Variants in FNDC3B observed in about 807,000 individuals in gnomAD.
FNDC3B encodes fibronectin type III domain-containing protein 3B.
In FNDC3B, 12 loss-of-function variants were observed where a neutral mutation model predicts 151.5. That is an observed-to-expected ratio of 0.08 (90% CI 0.05 to 0.13). The LOEUF (loss-of-function observed/expected upper bound fraction) is 0.13, where lower values mean the gene tolerates loss of function less well. Among genes scored for constraint, FNDC3B ranks in the 10% least tolerant of loss-of-function variants. The pLI is 1.00. For synonymous variants in FNDC3B, 528 were observed against 549.0 expected (o/e 0.96, Z 0.54); for missense variants, 1,214 against 1,505.3 (o/e 0.81, Z 3.20).
intron 21 of FNDC3B, among the ~76,000 whole-genome samples, chr3:172,349,804 T>C (rs1733774615): frequency 6.6e-6 from 1 of 152,062 alleles, no homozygotes; most frequent in Non-Finnish European, 1.5e-5. Flanking sequence ...TACAGGCGCC[T>C]GCCACCACGC....
At chr3:172,234,908 C>T (rs1477197225) in intron 4 of FNDC3B, among the ~76,000 whole-genome samples, 1 of 152,088 alleles carries the variant, frequency 6.6e-6, no homozygotes, top group African/African-American at 2.4e-5. Flanking sequence ...CTTTGAAACC[C>T]ATTAGGTTCA....
At chr3:172,141,225 C>G (rs1331539983) in intron 3 of FNDC3B, among the ~76,000 whole-genome samples, 1 of 152,112 alleles carries the variant, frequency 6.6e-6, no homozygotes, top group Non-Finnish European at 1.5e-5. Flanking sequence ...ATTCTAGTCT[C>G]CCTTTCATTG....
chr3:172,097,750 T>A (rs1177842996), intron 1 of FNDC3B, among the ~76,000 whole-genome samples: 1 of 152,246 alleles, frequency 6.6e-6, no homozygotes, highest in Non-Finnish European at 1.5e-5. Flanking sequence ...TTCCTCATAG[T>A]CTGGTTTACT....
intron 1 of FNDC3B, among the ~76,000 whole-genome samples, chr3:172,087,215 G>A (rs547529118): frequency 1.3e-5 from 2 of 152,210 alleles, no homozygotes; most frequent in South Asian, 2.1e-4. Context: ...TAGTTAAGGC[G>A]CATAACTTAC....
At chr3:172,235,800 T>C (rs576703036) in intron 4 of FNDC3B, among the ~76,000 whole-genome samples, 1 of 152,366 alleles carries the variant, frequency 6.6e-6, no homozygotes, top group Non-Finnish European at 1.5e-5. Context: ...TATTTTATGT[T>C]GATGAATATG....
intron 3 of FNDC3B, among the ~76,000 whole-genome samples, chr3:172,177,533 A>G (rs1009217194): frequency 2.0e-5 from 3 of 151,320 alleles, no homozygotes; most frequent in Non-Finnish European, 4.4e-5. Context: ...GGAAAGATTC[A>G]TGTCTTGAAA....
At position 172,158,162 on chromosome 3, in the gene FNDC3B, A is replaced by G. The variant is rs148303357; in HGVS notation, c.187+24616A>G. Among the ~76,000 whole-genome samples the G allele has an allele frequency of 3.0e-3, 453 of 152,310 alleles. 2 individuals carry two copies. Among genetic ancestry groups the G allele is most frequent in the African/African-American group, 9.9e-3 (413 of 41,572 alleles). ...CTATCATCTCTAAATTACCTTGTCT[A>G]TGGTAGTCTTGTTACAGCAGCCTGA... On this transcript the variant is annotated intron_variant, in intron 3 of 25. Coordinates refer to ENST00000415807, the MANE Select transcript of FNDC3B (RefSeq NM_022763.4).
chr3:172,265,855 A>G (rs924250896), intron 6 of FNDC3B, among the ~76,000 whole-genome samples: 1 of 152,192 alleles, frequency 6.6e-6, no homozygotes, highest in Non-Finnish European at 1.5e-5. Context: ...TAGAAAGCAT[A>G]TTGTCTGTTT....
At chr3:172,272,287 T>C (rs1309264766) in intron 6 of FNDC3B, among the ~76,000 whole-genome samples, 1 of 152,128 alleles carries the variant, frequency 6.6e-6, no homozygotes, top group African/African-American at 2.4e-5. Flanking sequence ...TTAATAAAAT[T>C]TGGGTATTGT....
At chr3:172,185,939 C>T (rs1399174963) in intron 3 of FNDC3B, among the ~76,000 whole-genome samples, 1 of 152,144 alleles carries the variant, frequency 6.6e-6, no homozygotes, top group Non-Finnish European at 1.5e-5. Context: ...GGGGACCACA[C>T]TTTCTATTTT....
intron 11 of FNDC3B, among the ~76,000 whole-genome samples, chr3:172,319,008 G>C (rs1460409791): frequency 2.0e-5 from 3 of 152,204 alleles, no homozygotes; most frequent in African/African-American, 4.8e-5. Flanking sequence ...CAGTCTCAGA[G>C]ATCCACACAC....
chr3:172,152,658 C>G (rs1722292364), intron 3 of FNDC3B, among the ~76,000 whole-genome samples: 1 of 151,044 alleles, frequency 6.6e-6, no homozygotes, highest in South Asian at 2.1e-4. Context: ...AGAGCCCTTC[C>G]CCTGATAGCA....
At chr3:172,292,628 A>G (rs1404092326) in intron 7 of FNDC3B, among the ~76,000 whole-genome samples, 1 of 152,244 alleles carries the variant, frequency 6.6e-6, no homozygotes, top group Admixed American at 6.5e-5. Context: ...TCATGGAATC[A>G]GTGTTACTGT....
At chr3:172,147,455 C>G (rs1270760173) in intron 3 of FNDC3B, among the ~76,000 whole-genome samples, 4 of 152,164 alleles carry the variant, frequency 2.6e-5, no homozygotes, top group Admixed American at 1.3e-4. Flanking sequence ...TTGTTCCCTT[C>G]CTAATCTAGC....
chr3:172,289,739 G>C (rs1289661854), intron 7 of FNDC3B, among the ~76,000 whole-genome samples: 1 of 152,190 alleles, frequency 6.6e-6, no homozygotes, highest in Non-Finnish European at 1.5e-5. Context: ...CCGGAAGTCT[G>C]ACCAGCCTCA....
At chr3:172,292,078 T>C (rs1425440574) in intron 7 of FNDC3B, among the ~76,000 whole-genome samples, 1 of 152,156 alleles carries the variant, frequency 6.6e-6, no homozygotes, top group East Asian at 1.9e-4. Flanking sequence ...GGAAACAAGT[T>C]CCAAGTCCTA....
intron 6 of FNDC3B, among the ~76,000 whole-genome samples, chr3:172,276,824 C>T (rs760654645): frequency 3.3e-5 from 5 of 152,124 alleles, no homozygotes; most frequent in Admixed American, 6.5e-5. Flanking sequence ...AAAATGTCAA[C>T]TTTATAAAAA....
rs138302638 is a variant in FNDC3B at position 172,154,426 on chromosome 3, G to C, written c.187+20880G>C. Among the ~76,000 whole-genome samples, 1,061 of 152,268 alleles carry C rather than the reference G, an allele frequency of 7.0e-3. 19 individuals are homozygous for C. Among genetic ancestry groups the C allele is most frequent in the African/African-American group, 0.024 (1,010 of 41,536 alleles). On this transcript the variant is annotated intron_variant, in intron 3 of 25. Coordinates refer to ENST00000415807, the MANE Select transcript of FNDC3B (RefSeq NM_022763.4). ...AGACGGGGTTTCACCATGTTGGCCAGGATGGTCCTGACCTCGTGATCCGCC... is the reference window on the plus strand; with the variant it reads ...AGACGGGGTTTCACCATGTTGGCCACGATGGTCCTGACCTCGTGATCCGCC...
chr3:172,167,800 G>T (rs929196359), intron 3 of FNDC3B, among the ~76,000 whole-genome samples: 1 of 152,118 alleles, frequency 6.6e-6, no homozygotes, highest in Non-Finnish European at 1.5e-5. Flanking sequence ...TGTGAACTGC[G>T]CATGTGAAGG....
Sources: allele counts gnomAD v4.1 joint callset (sites outside exome capture counted in the v4.1 genomes callset), GRCh38; gene constraint gnomAD v4.1.1; transcripts MANE v1.5; gene names NCBI Gene and HGNC (gene_info 2026-07-23, HGNC 2026-07-21).